Variants in ASB18 observed in about 807,000 individuals in gnomAD.
The protein encoded by ASB18 is ankyrin repeat and SOCS box protein 18.
ASB18 carries 33 observed loss-of-function variants against 33.4 expected under a neutral mutation model. That is an observed-to-expected ratio of 0.99 (90% CI 0.75 to 1.32). The LOEUF (loss-of-function observed/expected upper bound fraction) is 1.32, where lower values mean the gene tolerates loss of function less well. ASB18 is among the 40% of genes most tolerant of loss of function. The pLI, the probability that ASB18 is intolerant of heterozygous loss-of-function variation, is 0.00. For synonymous variants in ASB18, 295 were observed against 307.6 expected, an observed-to-expected ratio of 0.96 and a Z score of 0.43; for missense variants, 694 against 655.5, an observed-to-expected ratio of 1.06 and a Z score of -0.64.
rs1362852260 is a variant in ASB18, at chr2:236,257,616, T to A, written c.205+6525A>T. Among the ~76,000 whole-genome samples the A allele has an allele frequency of 6.6e-6, 1 of 152,082 alleles. No homozygotes were observed. The highest frequency in any genetic ancestry group is 2.4e-5 in the African/African-American group (1 of 41,414). ...GGTTGTAGACAGCTTCACTGGGAAG[T>A]TTTTTCAGGGACGTTCCTGCAAAAT... On this transcript the variant is annotated intron_variant, in intron 1 of 5. Coordinates refer to ENST00000409749, the MANE Select transcript of ASB18 (RefSeq NM_212556.4). This position sits in a 1 kb window ranked among gnomAD's most constrained non-coding sequence, Gnocchi z 5.5.
chr2:236,249,235 T>A lies in ASB18; in HGVS notation c.206-7833A>T, dbSNP rs1470437577. 4.6e-5 allele frequency: 7 copies of A among 152,224 alleles called. No individual in the cohort carries two copies. Among genetic ancestry groups the A allele is most frequent in the Admixed American group, 1.3e-4 (2 of 15,284 alleles). 9.4% of individuals were successfully genotyped at this position (152,224 alleles called of 1,614,324 possible). On this transcript the variant is annotated intron_variant, in intron 1 of 5. Transcript: ENST00000409749. This position sits in a 1 kb window ranked among gnomAD's most constrained non-coding sequence, Gnocchi z 4.6. ...TGTGCTTTGCTTCCTGGTGTTGTCC[T>A]TGATCTCTATGTTTGCTTGCATTGT...
In ASB18 at chr2:236,234,012, ATATTCAAGACAG is replaced by A. The variant is rs1460639854; in HGVS notation, c.596+3665_596+3676del. Among the ~76,000 whole-genome samples, 9 of 152,354 alleles carry A rather than the reference ATATTCAAGACAG, an allele frequency of 5.9e-5. No individual in the cohort carries two copies. Among genetic ancestry groups the A allele is most frequent in the African/African-American group, 2.2e-4 (9 of 41,578 alleles). ...CTTCAAAATTTATTATAAAGTTACA[ATATTCAAGACAG>A]TATGGTATTGGTGTTAAAACAGGCA... On this transcript the variant is annotated intron_variant, in intron 3 of 5. Coordinates refer to ENST00000409749, the MANE Select transcript of ASB18 (RefSeq NM_212556.4). This position sits in a 1 kb window ranked among gnomAD's most constrained non-coding sequence, Gnocchi z 4.1.
At position 236,264,290 on chromosome 2, in the gene ASB18, C is replaced by T; in HGVS notation, c.56G>A (p.Arg19Lys). ...TTTGGCATCCAGGGCAGACTTTAAT[C>T]TCTTCACTAAATCTGAGTTGAGTGG... is the stretch of plus-strand genomic sequence containing the variant. ...DYPLNSDLVK[R>K]LKSALDAKDE... The change falls in exon 1 of 6, where the codon AGA becomes AAA. Residue 19 changes from arginine (R) to lysine (K), a missense_variant. Coordinates refer to ENST00000409749, the MANE Select transcript of ASB18 (RefSeq NM_212556.4). The surrounding 1 kb of genome is among the most constrained non-coding windows in gnomAD (Gnocchi z 5.1). 4 of 1,614,028 alleles carry T rather than the reference C, an allele frequency of 2.5e-6. No individual in the cohort carries two copies. Among genetic ancestry groups the T allele is most frequent in the South Asian group, 2.2e-5 (2 of 91,084 alleles).
rs934458909 is a variant in ASB18 at position 236,252,719 on chromosome 2, C to T, written c.206-11317G>A. Among the ~76,000 whole-genome samples the T allele has an allele frequency of 2.0e-5, 3 of 152,076 alleles. No individual in the cohort carries two copies. Among genetic ancestry groups the T allele is most frequent in the Non-Finnish European group, 4.4e-5 (3 of 68,008 alleles). ...GGGGTCAGGCAGAGGGGCACCTGAG[C>T]AGGAAATGAAGCCGCCACAGACAGC... On this transcript the variant is annotated intron_variant, in intron 1 of 5. Coordinates refer to ENST00000409749, the MANE Select transcript of ASB18 (RefSeq NM_212556.4). The surrounding 1 kb of genome is among the most constrained non-coding windows in gnomAD (Gnocchi z 7.9).
chr2:236,264,002 T>C lies in ASB18; in HGVS notation c.205+139A>G, dbSNP rs943624747. 5.7e-6 allele frequency: 4 copies of C among 699,064 alleles called. No homozygotes were observed. Among genetic ancestry groups the C allele is most frequent in the Non-Finnish European group, 7.4e-6 (3 of 404,532 alleles). 43.3% of individuals were successfully genotyped at this position (699,064 alleles called of 1,614,324 possible). On this transcript the variant is annotated intron_variant, in intron 1 of 5. Coordinates refer to ENST00000409749, the MANE Select transcript of ASB18 (RefSeq NM_212556.4). This position sits in a 1 kb window ranked among gnomAD's most constrained non-coding sequence, Gnocchi z 5.1. ...GGTCTATGCAGTACACATATATGCA[T>C]GTATGTATGAGAGTCAGATATCCGA...
At chr2:236,227,569 G>A (rs1240645136) in intron 3 of ASB18, among the ~76,000 whole-genome samples, 1 of 152,176 alleles carries the variant, frequency 6.6e-6, no homozygotes, top group African/African-American at 2.4e-5. Flanking sequence ...GCTAGTAAGT[G>A]TTGGAATTAG....
Position 236,223,314 on chromosome 2 carries a change from C to T in ASB18, c.597-8448G>A, listed in dbSNP as rs1025656517. Among the ~76,000 whole-genome samples, 3 of 152,224 alleles carry T rather than the reference C, an allele frequency of 2.0e-5. No individual in the cohort carries two copies. Among genetic ancestry groups the T allele is most frequent in the Non-Finnish European group, 4.4e-5 (3 of 68,040 alleles). On this transcript the variant is annotated intron_variant, in intron 3 of 5. Coordinates refer to ENST00000409749, the MANE Select transcript of ASB18 (RefSeq NM_212556.4). This position sits in a 1 kb window ranked among gnomAD's most constrained non-coding sequence, Gnocchi z 4.6. ...AGAAGCTTCATTGGTGTGCCTTCCTCAGTAAGGCATGCATAACATTTCTTT... is the reference window on the plus strand; with the variant it reads ...AGAAGCTTCATTGGTGTGCCTTCCTTAGTAAGGCATGCATAACATTTCTTT...
Position 236,259,644 on chromosome 2 carries a change from A to T in ASB18, c.205+4497T>A, listed in dbSNP as rs752560040. On this transcript the variant is annotated intron_variant, in intron 1 of 5. Coordinates refer to ENST00000409749, the MANE Select transcript of ASB18 (RefSeq NM_212556.4). This position sits in a 1 kb window ranked among gnomAD's most constrained non-coding sequence, Gnocchi z 4.4. ...CCCTGGCTGGGAGGATCCTGTTGGG[A>T]TGGGGATGCTGACTGTAGAGCGTGG... is the stretch of plus-strand genomic sequence containing the variant. 2.1e-6 allele frequency: 1 copy of T among 467,664 alleles called. No homozygotes were observed. Among genetic ancestry groups the T allele is most frequent in the African/African-American group, 2.0e-5 (1 of 50,038 alleles). 29.0% of individuals were successfully genotyped at this position (467,664 alleles called of 1,614,324 possible). A position where few individuals can be genotyped will look rare whatever the true frequency, so the allele number is the denominator to read the frequency against.
In ASB18 at chr2:236,194,743, C is replaced by G. The variant is rs1009159979; in HGVS notation, c.*129G>C. 1 of 778,000 alleles carries G rather than the reference C, an allele frequency of 1.3e-6. No individual in the cohort carries two copies. The highest frequency in any genetic ancestry group is 2.0e-6 in the Non-Finnish European group (1 of 500,702). The allele number at this position is 778,000 out of a possible 1,614,324, so 48.2% of individuals were successfully genotyped here. A position where few individuals can be genotyped will look rare whatever the true frequency, so the allele number is the denominator to read the frequency against. ...AGCTTGGCAAGGTCTGTGCTTCACC[C>G]GGTCCCACGGAGAGCAAGTGGGAAG... On this transcript the variant is annotated 3_prime_UTR_variant, in exon 6 of 6. Coordinates refer to ENST00000409749, the MANE Select transcript of ASB18 (RefSeq NM_212556.4). This position sits in a 1 kb window ranked among gnomAD's most constrained non-coding sequence, Gnocchi z 4.5.
rs1170171028 is a variant in ASB18, at chr2:236,193,573, G to T, written c.*1299C>A. Among the ~76,000 whole-genome samples, 1 of 152,210 alleles carries T rather than the reference G, an allele frequency of 6.6e-6. No homozygotes were observed. Among genetic ancestry groups the T allele is most frequent in the East Asian group, 1.9e-4 (1 of 5,188 alleles). The stretch of plus-strand genomic sequence containing the variant: ...GCACTTTGGGAGGCCGAGGCGGGCA[G>T]ATCACCTGAGATCGGGAGTTTGAGA... On this transcript the variant is annotated 3_prime_UTR_variant, in exon 6 of 6. Coordinates refer to ENST00000409749, the MANE Select transcript of ASB18 (RefSeq NM_212556.4). This position sits in a 1 kb window ranked among gnomAD's most constrained non-coding sequence, Gnocchi z 5.0.
intron 4 of ASB18, among the ~76,000 whole-genome samples, chr2:236,207,618 G>A (rs554139762): frequency 9.1e-4 from 67 of 73,780 alleles, no homozygotes; most frequent in African/African-American, 8.8e-4. Context: ...GCCGGGAGAC[G>A]TGGAGGGAGG....
Position 236,225,965 on chromosome 2 carries a change from C to A in ASB18, c.597-11099G>T, listed in dbSNP as rs2060535809. 6.6e-6 allele frequency among the ~76,000 whole-genome samples: 1 copy of A among 152,048 alleles called. No individual in the cohort carries two copies. Among genetic ancestry groups the A allele is most frequent in the African/African-American group, 2.4e-5 (1 of 41,380 alleles). The stretch of plus-strand genomic sequence containing the variant: ...ATGGCTCTGTATGTAGGTCAGCGAC[C>A]CCCTCTCTACTGTGAGGTAAAAAAA... On this transcript the variant is annotated intron_variant, in intron 3 of 5. Transcript: ENST00000409749. This position sits in a 1 kb window ranked among gnomAD's most constrained non-coding sequence, Gnocchi z 5.1.
In ASB18 at chr2:236,241,383, C is replaced by G. The variant is rs199776358; in HGVS notation, c.225G>C (p.Lys75Asn). Residue 75 changes from lysine (K) to asparagine (N), a missense_variant, in exon 2 of 6, where the codon AAG becomes AAC. Lys to Asn is a moderately conservative substitution (Grantham distance 94). Coordinates refer to ENST00000409749, the MANE Select transcript of ASB18 (RefSeq NM_212556.4). The surrounding 1 kb of genome is among the most constrained non-coding windows in gnomAD (Gnocchi z 4.2). Reference sequence around the variant, plus strand: ...CCTGGAAGAACTGGTCCATGAGGGGCTTCAGATGGTCGAGGTCCCCTGCGA... The same window carrying G: ...CCTGGAAGAACTGGTCCATGAGGGGGTTCAGATGGTCGAGGTCCCCTGCGA... ...GMLLGDLDHL[K>N]PLMDQFFQDA... The G allele has an allele frequency of 6.2e-7, 1 of 1,613,852 alleles. No individual in the cohort carries two copies. The highest frequency in any genetic ancestry group is 1.3e-5 in the African/African-American group (1 of 74,912).
chr2:236,236,841 CAG>C (rs2060592825), intron 3 of ASB18, among the ~76,000 whole-genome samples: 1 of 152,232 alleles, frequency 6.6e-6, no homozygotes, highest in East Asian at 1.9e-4. Flanking sequence ...AATCTTCCCC[CAG>C]AGACAGAAGG....
At chr2:236,199,932 T>C (rs78662617) in intron 4 of ASB18, among the ~76,000 whole-genome samples, 10,061 of 152,266 alleles carry the variant, frequency 0.066, 1,103 homozygotes, top group African/African-American at 0.23. Context: ...TTCATGGTTA[T>C]TGGCACATTT....
At chr2:236,199,116 A>G (rs1447684174) in intron 4 of ASB18, among the ~76,000 whole-genome samples, 1 of 152,190 alleles carries the variant, frequency 6.6e-6, no homozygotes, top group Non-Finnish European at 1.5e-5. Context: ...AAGTTGATAG[A>G]AAAAGATTTT....
rs1033082193 is a variant in ASB18, at chr2:236,194,822, A to G, written c.*50T>C. ...GGGCACTCTCCAACACACGGCCTCC[A>G]TGGAAGGTCAGCGAGGAGAACAACA... On this transcript the variant is annotated 3_prime_UTR_variant, in exon 6 of 6. Transcript: ENST00000409749. The surrounding 1 kb of genome is among the most constrained non-coding windows in gnomAD (Gnocchi z 4.5). 1 of 1,516,454 alleles carries G rather than the reference A, an allele frequency of 6.6e-7. No individual in the cohort carries two copies. Among genetic ancestry groups the G allele is most frequent in the Non-Finnish European group, 9.0e-7 (1 of 1,112,082 alleles). 93.9% of individuals were successfully genotyped at this position (1,516,454 alleles called of 1,614,324 possible). A position where few individuals can be genotyped will look rare whatever the true frequency, so the allele number is the denominator to read the frequency against.
At position 236,259,527 on chromosome 2, in the gene ASB18, C is replaced by T. The variant is rs1178480333; in HGVS notation, c.205+4614G>A. 6.4e-6 allele frequency: 3 copies of T among 471,104 alleles called. No individual in the cohort carries two copies. The highest frequency in any genetic ancestry group is 4.7e-5 in the Admixed American group (2 of 42,586). 29.2% of individuals were successfully genotyped at this position (471,104 alleles called of 1,614,324 possible). ...TGCAGGGAGGATGCACGATTTCTGT[C>T]CCAGTGGGAAGGGATGGCCTTCCAG... On this transcript the variant is annotated intron_variant, in intron 1 of 5. Transcript: ENST00000409749. This position sits in a 1 kb window ranked among gnomAD's most constrained non-coding sequence, Gnocchi z 4.4.
At chr2:236,197,633 C>T (rs1192724703) in intron 4 of ASB18, among the ~76,000 whole-genome samples, 3 of 152,076 alleles carry the variant, frequency 2.0e-5, no homozygotes, top group Non-Finnish European at 2.9e-5. Context: ...AGCAGCCTGA[C>T]CAACATGGAG....
Sources: allele counts gnomAD v4.1 joint callset (sites outside exome capture counted in the v4.1 genomes callset), GRCh38; gene constraint gnomAD v4.1.1; non-coding constraint Gnocchi (gnomAD v3.1); transcripts MANE v1.5; gene names NCBI Gene and HGNC (gene_info 2026-07-23, HGNC 2026-07-21).